Variants in SRD5A3 observed in about 807,000 individuals in gnomAD.
SRD5A3 encodes steroid 5 alpha-reductase 3.
A neutral mutation model predicts 34.3 loss-of-function variants in SRD5A3; 24 were observed. The observed-to-expected ratio is 0.70, with a 90% CI of 0.51 to 0.99. SRD5A3 has a LOEUF of 0.99. Among genes scored for constraint, SRD5A3 ranks in the 50% least tolerant of loss-of-function variants. The pLI is 0.00. For synonymous variants in SRD5A3, 161 were observed against 167.3 expected, an observed-to-expected ratio of 0.96 and a Z score of 0.29; for missense variants, 350 against 388.2, an observed-to-expected ratio of 0.90 and a Z score of 0.83.
intron 2 of SRD5A3, among the ~76,000 whole-genome samples, chr4:55,363,472 T>G (rs1203348008): frequency 6.6e-6 from 1 of 151,458 alleles, no homozygotes; most frequent in Non-Finnish European, 1.5e-5. Context: ...AACCAAAAAA[T>G]AAAAAACAAA....
intron 1 of SRD5A3, chr4:55,352,519 T>C (rs1009858672): frequency 1.9e-6 from 1 of 529,622 alleles, no homozygotes; most frequent in Non-Finnish European, 3.4e-6. Context: ...TGCTCTAGAC[T>C]GTAAACATTT....
At chr4:55,367,557 T>C (rs1578212129) in intron 3 of SRD5A3, 31 bp from the exon 4 acceptor site, 2 of 1,612,552 alleles carry the variant, frequency 1.2e-6, no homozygotes, top group Non-Finnish European at 1.7e-6. Context: ...TGAAATTGTT[T>C]AGTGTTGGCT....
At position 55,370,355 on chromosome 4, in the gene SRD5A3, G is replaced by A; in HGVS notation, c.*264G>A. ...AGATGCTTTCTAAAACCAACCAACT[G>A]ATAAAAAGTAGATGAGACTTCTCCA... On this transcript the variant is annotated 3_prime_UTR_variant, in exon 5 of 5. Coordinates refer to ENST00000264228, the MANE Select transcript of SRD5A3 (RefSeq NM_024592.5). 1 of 497,490 alleles carries A rather than the reference G, an allele frequency of 2.0e-6. No individual in the cohort carries two copies. Among genetic ancestry groups the A allele is most frequent in the East Asian group, 3.7e-5 (1 of 26,836 alleles). 30.8% of individuals were successfully genotyped at this position (497,490 alleles called of 1,614,324 possible).
In SRD5A3 at chr4:55,346,330, G is replaced by A; in HGVS notation, c.-7G>A. ...CGCCAGCAGCGCGGAAGGCGGGCACGCGGGCCATGGCTCCCTGGGCGGAGG... is the reference window on the plus strand; with the variant it reads ...CGCCAGCAGCGCGGAAGGCGGGCACACGGGCCATGGCTCCCTGGGCGGAGG... On this transcript the variant is annotated 5_prime_UTR_variant, in exon 1 of 5. Transcript: ENST00000264228. 7.0e-7 allele frequency: 1 copy of A among 1,434,922 alleles called. No homozygotes were observed. The highest frequency in any genetic ancestry group is 9.1e-7 in the Non-Finnish European group (1 of 1,096,980). The allele number at this position is 1,434,922 out of a possible 1,614,324, so 88.9% of individuals were successfully genotyped here.
intron 4 of SRD5A3, among the ~76,000 whole-genome samples, chr4:55,368,599 A>G (rs1373417019): frequency 6.6e-6 from 1 of 150,612 alleles, no homozygotes; most frequent in Non-Finnish European, 1.5e-5. Flanking sequence ...TAATTTTTGT[A>G]TTTTTTAGTA....
At chr4:55,368,742 T>A (rs573963384) in intron 4 of SRD5A3, among the ~76,000 whole-genome samples, 55 of 149,652 alleles carry the variant, frequency 3.7e-4, no homozygotes, top group South Asian at 1.3e-3. Flanking sequence ...TTATTTATTT[T>A]ATTTATTTAT....
At chr4:55,353,881 G>T (rs1444798941) in intron 1 of SRD5A3, among the ~76,000 whole-genome samples, 1 of 152,140 alleles carries the variant, frequency 6.6e-6, no homozygotes, top group African/African-American at 2.4e-5. Context: ...CACTCACTGC[G>T]AGAGTCCACA....
chr4:55,359,462 G>C lies in SRD5A3; in HGVS notation c.338G>C (p.Arg113Thr). 6.2e-7 allele frequency: 1 copy of C among 1,614,052 alleles called. No homozygotes were observed. Among genetic ancestry groups the C allele is most frequent in the Non-Finnish European group, 8.5e-7 (1 of 1,180,018 alleles). The stretch of plus-strand genomic sequence containing the variant: ...CCAAGCTGGCTTCATGGTTTGCTCA[G>C]AATTCTCGGGGCGGCACAGTTCCAG... ...PFPSWLHGLL[R>T]ILGAAQFQGG... The change falls in exon 2 of 5, where the codon AGA becomes ACA. Residue 113 changes from arginine to threonine, a missense_variant. Around this residue, in one of 3 missense-constraint regions of SRD5A3, gnomAD observed 159 missense variants for 149.1 expected, o/e 1.07. Coordinates refer to ENST00000264228, the MANE Select transcript of SRD5A3 (RefSeq NM_024592.5).
At position 55,359,327 on chromosome 4, in the gene SRD5A3, G is replaced by A. The variant is rs371783653; in HGVS notation, c.222-19G>A. 3.3e-5 allele frequency: 53 copies of A among 1,613,608 alleles called. No homozygotes were observed. Among genetic ancestry groups the A allele is most frequent in the East Asian group, 1.6e-4 (7 of 44,876 alleles). On this transcript the variant is annotated intron_variant, in intron 1 of 4. Transcript: ENST00000264228. Reference sequence around the variant, plus strand: ...GTGGATCTACCCTAATTATTGCCTCGCTTGTTTTCCTTTTGCAGATATTTT... The same window carrying A: ...GTGGATCTACCCTAATTATTGCCTCACTTGTTTTCCTTTTGCAGATATTTT...
At chr4:55,359,006 G>A in intron 1 of SRD5A3, 1 of 343,628 alleles carries the variant, frequency 2.9e-6, no homozygotes, top group Non-Finnish European at 5.6e-6. Context: ...GGTTCTCTTT[G>A]CAAGGGCCTG....
chr4:55,350,205 A>T (rs1325992514), intron 1 of SRD5A3, among the ~76,000 whole-genome samples: 3 of 152,120 alleles, frequency 2.0e-5, no homozygotes, highest in Non-Finnish European at 4.4e-5. Context: ...CCCCATCTCT[A>T]CTAAAAATAC....
chr4:55,358,157 G>A (rs1016963778), intron 1 of SRD5A3, among the ~76,000 whole-genome samples: 1 of 152,080 alleles, frequency 6.6e-6, no homozygotes, highest in Non-Finnish European at 1.5e-5. Context: ...CCAGATGACC[G>A]CCAGGCACTC....
intron 1 of SRD5A3, among the ~76,000 whole-genome samples, chr4:55,352,577 C>A (rs1719237723): frequency 6.6e-6 from 1 of 152,184 alleles, no homozygotes; most frequent in African/African-American, 2.4e-5. Flanking sequence ...TAGCTTAACA[C>A]CTGACTGGTA....
rs572857022 is a variant in SRD5A3 at position 55,367,897 on chromosome 4, A to G, written c.697+175A>G. ...CCATCTGTGAAAATGAGAGCCTTAC[A>G]TTGAAAGACCTCTCTAGACCCAAGT... is the stretch of plus-strand genomic sequence containing the variant. On this transcript the variant is annotated intron_variant, in intron 4 of 4. Transcript: ENST00000264228. 3.3e-5 allele frequency among the ~76,000 whole-genome samples: 5 copies of G among 152,238 alleles called. No homozygotes were observed. In the South Asian group the frequency reaches 1.0e-3, roughly 32 times the overall value.
chr4:55,357,961 G>A (rs75423563), intron 1 of SRD5A3, among the ~76,000 whole-genome samples: 2,716 of 152,288 alleles, frequency 0.018, 72 homozygotes, highest in African/African-American at 0.062. Context: ...GACTGAGTTT[G>A]TAGGCATGAT....
At chr4:55,357,986 A>G (rs1222740345) in intron 1 of SRD5A3, among the ~76,000 whole-genome samples, 1 of 152,224 alleles carries the variant, frequency 6.6e-6, no homozygotes. Flanking sequence ...GGGGCTGTGC[A>G]TTCTCTTACA....
chr4:55,369,672 AGT>A, intron 4 of SRD5A3, 158 bp from the exon 5 acceptor site: 1 of 773,750 alleles, frequency 1.3e-6, no homozygotes. Flanking sequence ...TTGAGACTAC[AGT>A]GAGCCATGAC....
chr4:55,360,974 G>A (rs1719667029), intron 2 of SRD5A3, among the ~76,000 whole-genome samples: 1 of 152,062 alleles, frequency 6.6e-6, no homozygotes, highest in Non-Finnish European at 1.5e-5. Context: ...ACAGGTGTGA[G>A]CCACCGCGCC....
intron 4 of SRD5A3, among the ~76,000 whole-genome samples, chr4:55,369,196 C>T (rs1327575627): frequency 1.3e-5 from 2 of 152,170 alleles, no homozygotes; most frequent in Non-Finnish European, 2.9e-5. Context: ...GGTTAAGCAA[C>T]TTATCTAAAG....
Sources: allele counts gnomAD v4.1 joint callset (sites outside exome capture counted in the v4.1 genomes callset), GRCh38; gene constraint gnomAD v4.1.1; regional missense constraint gnomAD v4.1.1; transcripts MANE v1.5; gene names NCBI Gene and HGNC (gene_info 2026-07-23, HGNC 2026-07-21).